EPHB2: variants seen among roughly 807,000 people sequenced by gnomAD.
EPHB2 encodes the protein ephrin type-B receptor 2.
In EPHB2, 18 loss-of-function variants were observed where a neutral mutation model predicts 96.4. The observed-to-expected ratio is 0.19, with a 90% CI of 0.13 to 0.28. EPHB2 has a LOEUF of 0.28. Ranked by LOEUF, EPHB2 falls within the 10% of genes least tolerant of loss-of-function variation. The pLI, the probability that EPHB2 is intolerant of heterozygous loss-of-function variation, is 1.00. For synonymous variants in EPHB2, 506 were observed against 534.1 expected (o/e 0.95, Z 0.72); for missense variants, 989 against 1,355.4 (o/e 0.73, Z 4.25).
chr1:22,757,730 G>A (rs1393105198), intron 1 of EPHB2, among the ~76,000 whole-genome samples: 1 of 152,004 alleles, frequency 6.6e-6, no homozygotes, highest in African/African-American at 2.4e-5. Flanking sequence ...CAGGCATGCT[G>A]GCACACACCT....
At chr1:22,895,733 C>T (rs1002471927) in intron 8 of EPHB2, among the ~76,000 whole-genome samples, 153 bp downstream of exon 8, 6 of 152,276 alleles carry the variant, frequency 3.9e-5, no homozygotes, top group Non-Finnish European at 7.3e-5. Flanking sequence ...CTTCAAGTGG[C>T]TTCCCACTAC....
chr1:22,802,774 C>T (rs533860793), intron 3 of EPHB2, among the ~76,000 whole-genome samples: 3 of 152,226 alleles, frequency 2.0e-5, no homozygotes, highest in Non-Finnish European at 4.4e-5. Context: ...GAAGCAGTAT[C>T]AGGTAGAATA....
At chr1:22,809,765 A>G (rs1195230256) in intron 3 of EPHB2, among the ~76,000 whole-genome samples, 1 of 152,218 alleles carries the variant, frequency 6.6e-6, no homozygotes, top group Non-Finnish European at 1.5e-5. Flanking sequence ...TTAGGCACCA[A>G]GACTGCGCGA....
chr1:22,855,156 C>T (rs1274041841), intron 3 of EPHB2, among the ~76,000 whole-genome samples: 1 of 152,180 alleles, frequency 6.6e-6, no homozygotes, highest in Non-Finnish European at 1.5e-5. Flanking sequence ...TGTATCAATC[C>T]GTTCAAATCC....
rs1268683793 is a variant in EPHB2 at position 22,921,059 on chromosome 1, T to C, written c.*7489T>C. On this transcript the variant is annotated 3_prime_UTR_variant, in exon 16 of 16. Transcript: ENST00000374630. ...CAGCCCCTCTCCACTGTCAGATCCT[T>C]TGCCAGTCAAATCCCAGATCCCCGG... is the stretch of plus-strand genomic sequence containing the variant. 6.6e-6 allele frequency: 1 copy of C among 152,300 alleles called. No homozygotes were observed. Among genetic ancestry groups the C allele is most frequent in the African/African-American group, 2.4e-5 (1 of 41,444 alleles). The allele number at this position is 152,300 out of a possible 1,614,324, so 9.4% of individuals were successfully genotyped here.
At chr1:22,910,914 G>T (rs1640077439) in intron 14 of EPHB2, among the ~76,000 whole-genome samples, 1 of 152,146 alleles carries the variant, frequency 6.6e-6, no homozygotes, top group Non-Finnish European at 1.5e-5. Context: ...GAAGTGGGTG[G>T]ATCGCCTGAG....
At chr1:22,747,573 G>C (rs1293349516) in intron 1 of EPHB2, among the ~76,000 whole-genome samples, 1 of 152,248 alleles carries the variant, frequency 6.6e-6, no homozygotes, top group African/African-American at 2.4e-5. Context: ...CACCCACCCA[G>C]CTGAGCAAAG....
intron 1 of EPHB2, among the ~76,000 whole-genome samples, chr1:22,764,082 G>A (rs889228916): frequency 1.3e-5 from 2 of 152,146 alleles, no homozygotes; most frequent in Non-Finnish European, 2.9e-5. Context: ...CTGTTGCTAC[G>A]TAAGGCAACA....
intron 3 of EPHB2, among the ~76,000 whole-genome samples, chr1:22,838,955 GAAAAAAA>G (rs1645425147): frequency 2.0e-5 from 2 of 98,836 alleles, no homozygotes; most frequent in South Asian, 1.1e-3. Flanking sequence ...AACAAAAAAA[GAAAAAAA>G]GAAAAAAAGA....
chr1:22,726,012 G>A (rs542210714), intron 1 of EPHB2, among the ~76,000 whole-genome samples: 11 of 152,276 alleles, frequency 7.2e-5, no homozygotes, highest in South Asian at 4.2e-4. Flanking sequence ...TCATCTGTCC[G>A]TACATCCTTC....
rs893046565 is a variant in EPHB2 at position 22,790,694 on chromosome 1, A to T, written c.811+5618A>T. Among the ~76,000 whole-genome samples, 1 of 152,220 alleles carries T rather than the reference A, an allele frequency of 6.6e-6. No individual in the cohort carries two copies. Among genetic ancestry groups the T allele is most frequent in the Non-Finnish European group, 1.5e-5 (1 of 68,046 alleles). ...TTGCTCTGTTCTCTCCCAGTGGCCA[A>T]CCCGCATCTGCGAGGGATCTGGAGG... On this transcript the variant is annotated intron_variant, in intron 3 of 15. Coordinates refer to ENST00000374630, the MANE Select transcript of EPHB2 (RefSeq NM_017449.5). This position sits in a 1 kb window ranked among gnomAD's most constrained non-coding sequence, Gnocchi z 4.0.
intron 1 of EPHB2, among the ~76,000 whole-genome samples, chr1:22,772,294 G>A (rs1222832547): frequency 6.6e-6 from 1 of 152,150 alleles, no homozygotes; most frequent in Non-Finnish European, 1.5e-5. Context: ...CAGAGCAGAG[G>A]AGCTGGCGTC....
chr1:22,711,274 C>T (rs1402161920), intron 1 of EPHB2, among the ~76,000 whole-genome samples: 1 of 147,540 alleles, frequency 6.8e-6, no homozygotes, highest in Non-Finnish European at 1.5e-5. Context: ...AAGGGACCAT[C>T]TTGCCGAGGC....
intron 3 of EPHB2, among the ~76,000 whole-genome samples, chr1:22,847,212 A>G (rs990807091): frequency 6.6e-6 from 1 of 152,126 alleles, no homozygotes; most frequent in South Asian, 2.1e-4. Flanking sequence ...GGTAAGTCCT[A>G]TTCATTAATC....
intron 1 of EPHB2, among the ~76,000 whole-genome samples, chr1:22,748,097 G>A (rs1644003239): frequency 6.6e-6 from 1 of 152,116 alleles, no homozygotes; most frequent in Admixed American, 6.5e-5. Flanking sequence ...AATCCTCTCT[G>A]GCCTTAGTTT....
chr1:22,829,998 C>T (rs1645280189), intron 3 of EPHB2, among the ~76,000 whole-genome samples: 1 of 152,198 alleles, frequency 6.6e-6, no homozygotes, highest in African/African-American at 2.4e-5. Context: ...CTAAGGAGGT[C>T]AGGATTTGTA....
chr1:22,865,318 C>G lies in EPHB2; in HGVS notation c.1303+106C>G, dbSNP rs1638436158. 6 of 1,349,842 alleles carry G rather than the reference C, an allele frequency of 4.4e-6. No individual in the cohort carries two copies. The East Asian group carries it at 1.4e-4, about 31-fold the overall frequency. The allele number at this position is 1,349,842 out of a possible 1,614,324, so 83.6% of individuals were successfully genotyped here. On this transcript the variant is annotated intron_variant, in intron 5 of 15. Transcript: ENST00000374630. ...CTTCACATCTATGGAGTGATTTCTTCTTTTCAAAGGCTTTTCATGTGATCG... is the reference window on the plus strand; with the variant it reads ...CTTCACATCTATGGAGTGATTTCTTGTTTTCAAAGGCTTTTCATGTGATCG...
intron 3 of EPHB2, among the ~76,000 whole-genome samples, chr1:22,842,282 C>T (rs750860335): frequency 9.2e-5 from 14 of 152,154 alleles, no homozygotes; most frequent in Admixed American, 2.0e-4. Flanking sequence ...GTGCTGAAAT[C>T]ATGAAATATT....
At chr1:22,780,422 C>G (rs1203808208) in intron 1 of EPHB2, among the ~76,000 whole-genome samples, 2 of 152,162 alleles carry the variant, frequency 1.3e-5, no homozygotes, top group African/African-American at 4.8e-5. Flanking sequence ...CTCAACACTT[C>G]TCCACTCCTG....
Sources: gnomAD v4.1 joint callset for allele counts (sites outside exome capture counted in the v4.1 genomes callset) on GRCh38, gnomAD v4.1.1 for gene constraint, Gnocchi (gnomAD v3.1) non-coding constraint, MANE v1.5 for transcripts, NCBI Gene and HGNC (gene_info 2026-07-23, HGNC 2026-07-21) for gene names.